The following CACNA2D3 variants were observed in gnomAD, a reference collection of about 807,000 sequenced individuals.
CACNA2D3 encodes calcium voltage-gated channel auxiliary subunit alpha2delta 3, also known as voltage-dependent calcium channel subunit alpha-2/delta-3.
A neutral mutation model predicts 160.6 loss-of-function variants in CACNA2D3; 60 were observed. The observed-to-expected ratio is 0.37, with a 90% CI of 0.30 to 0.46. The LOEUF (loss-of-function observed/expected upper bound fraction) is 0.46. CACNA2D3 is among the 20% of genes least tolerant of loss of function. The pLI is 1.00. For synonymous variants in CACNA2D3, 558 were observed against 492.9 expected, an observed-to-expected ratio of 1.13 and a Z score of -1.75; for missense variants, 1,205 against 1,365.0, an observed-to-expected ratio of 0.88 and a Z score of 1.85.
chr3:54,358,944 C>T (rs919022676), intron 3 of CACNA2D3, among the ~76,000 whole-genome samples: 5 of 152,190 alleles, frequency 3.3e-5, no homozygotes, highest in Non-Finnish European at 7.3e-5. Context: ...ATAAACACTT[C>T]CCATGTCCTT....
chr3:54,545,681 G>T (rs1172083733), intron 5 of CACNA2D3, among the ~76,000 whole-genome samples: 1 of 152,120 alleles, frequency 6.6e-6, no homozygotes, highest in Non-Finnish European at 1.5e-5. Flanking sequence ...TGCTTCACTT[G>T]GGGAATGATC....
chr3:54,931,738 G>A (rs1390559145), intron 27 of CACNA2D3, among the ~76,000 whole-genome samples: 2 of 152,122 alleles, frequency 1.3e-5, no homozygotes, highest in Admixed American at 6.5e-5. Context: ...CCCTTTTTAA[G>A]CCAGAATGTT....
intron 2 of CACNA2D3, among the ~76,000 whole-genome samples, chr3:54,306,981 C>T (rs962257418): frequency 2.0e-5 from 3 of 152,022 alleles, no homozygotes; most frequent in Non-Finnish European, 2.9e-5. Flanking sequence ...CCCGCCCTGC[C>T]GACACAAAGA....
intron 13 of CACNA2D3, among the ~76,000 whole-genome samples, chr3:54,816,519 C>T (rs1471643122): frequency 6.6e-6 from 1 of 152,160 alleles, no homozygotes; most frequent in Non-Finnish European, 1.5e-5. Context: ...GAAGAAGGAA[C>T]TGGGTCATGG....
At chr3:54,289,923 A>G (rs1380631469) in intron 2 of CACNA2D3, among the ~76,000 whole-genome samples, 1 of 152,250 alleles carries the variant, frequency 6.6e-6, no homozygotes, top group Non-Finnish European at 1.5e-5. Flanking sequence ...TGGATTAAAG[A>G]TTTACATGTT....
intron 3 of CACNA2D3, among the ~76,000 whole-genome samples, chr3:54,378,467 C>A (rs1264353490): frequency 6.6e-6 from 1 of 152,136 alleles, no homozygotes; most frequent in Non-Finnish European, 1.5e-5. Flanking sequence ...AGTACTGGTC[C>A]ATGCTGGGGG....
chr3:54,988,818 AAAAAG>A, intron 31 of CACNA2D3, among the ~76,000 whole-genome samples: 1 of 152,340 alleles, frequency 6.6e-6, no homozygotes, highest in Non-Finnish European at 1.5e-5. Context: ...GGAAGAAAAA[AAAAAG>A]AAATGATATA....
intron 30 of CACNA2D3, among the ~76,000 whole-genome samples, chr3:54,985,569 A>G: frequency 6.6e-6 from 1 of 152,244 alleles, no homozygotes; most frequent in East Asian, 1.9e-4. Context: ...AGACCTCTAG[A>G]TAGGCTCTGT....
intron 11 of CACNA2D3, among the ~76,000 whole-genome samples, chr3:54,702,869 A>G (rs993222166): frequency 1.3e-5 from 2 of 152,230 alleles, no homozygotes; most frequent in Admixed American, 6.5e-5. Flanking sequence ...AAAATGTGGT[A>G]CATACACATC....
chr3:55,021,092 T>C (rs185268234), intron 35 of CACNA2D3, among the ~76,000 whole-genome samples: 1 of 152,160 alleles, frequency 6.6e-6, no homozygotes, highest in Non-Finnish European at 1.5e-5. Context: ...GAAGGCTTTG[T>C]AAAACTTATA....
chr3:54,790,373 C>T (rs769626986), intron 13 of CACNA2D3, among the ~76,000 whole-genome samples: 11 of 152,170 alleles, frequency 7.2e-5, no homozygotes, highest in Non-Finnish European at 1.3e-4. Flanking sequence ...CAGTCTAACA[C>T]GTACATACTG....
At chr3:54,288,843 G>T (rs1041031322) in intron 2 of CACNA2D3, among the ~76,000 whole-genome samples, 1 of 152,172 alleles carries the variant, frequency 6.6e-6, no homozygotes, top group Non-Finnish European at 1.5e-5. Flanking sequence ...CTCAATAGAT[G>T]CAGAAAAGGC....
rs534906318 is a variant in CACNA2D3 at position 54,288,608 on chromosome 3, A to G, written c.205-31834A>G. On this transcript the variant is annotated intron_variant, in intron 2 of 37. Transcript: ENST00000474759. ...TCATCCTGATACCAAAGCCGGGCAGAGACACAACCAAAAAAGAGAATTTTA... is the reference window on the plus strand; with the variant it reads ...TCATCCTGATACCAAAGCCGGGCAGGGACACAACCAAAAAAGAGAATTTTA... Among the ~76,000 whole-genome samples the G allele has an allele frequency of 3.3e-5, 5 of 152,290 alleles. No homozygotes were observed. The South Asian group carries it at 8.3e-4, about 25-fold the overall frequency.
At chr3:54,525,061 A>T (rs567264496) in intron 5 of CACNA2D3, among the ~76,000 whole-genome samples, 1 of 152,136 alleles carries the variant, frequency 6.6e-6, no homozygotes, top group Non-Finnish European at 1.5e-5. Flanking sequence ...TAGTATACTA[A>T]AGAAAGATGT....
chr3:54,528,227 ACTT>A (rs753678801), intron 5 of CACNA2D3, among the ~76,000 whole-genome samples: 1 of 151,772 alleles, frequency 6.6e-6, no homozygotes, highest in East Asian at 1.9e-4. Context: ...CAGCCCTGAT[ACTT>A]AACAGTTTGC....
At chr3:54,841,843 C>A (rs1353150379) in intron 16 of CACNA2D3, among the ~76,000 whole-genome samples, 1 of 152,186 alleles carries the variant, frequency 6.6e-6, no homozygotes, top group East Asian at 1.9e-4. Flanking sequence ...GAAGTGCCTC[C>A]TTTCCCCAGG....
intron 12 of CACNA2D3, among the ~76,000 whole-genome samples, chr3:54,763,132 A>G (rs937674934): frequency 2.0e-5 from 3 of 152,038 alleles, no homozygotes; most frequent in African/African-American, 7.2e-5. Flanking sequence ...TCTACCCAAC[A>G]TATTTAAAAG....
rs1299947588 is a variant in CACNA2D3, at chr3:54,809,393, A to C, written c.1381-7460A>C. On this transcript the variant is annotated intron_variant, in intron 13 of 37. Coordinates refer to ENST00000474759, the MANE Select transcript of CACNA2D3 (RefSeq NM_018398.3). ...GACTGCAGTGGCGCAATCTCGGCTC[A>C]CTGCAAGCTCCGCTTCCCGGGTTCA... 4.8e-4 allele frequency among the ~76,000 whole-genome samples: 60 copies of C among 123,928 alleles called. 1 individual carries two copies. Among genetic ancestry groups the C allele is most frequent in the Non-Finnish European group, 7.1e-4 (46 of 64,570 alleles). 81.3% of individuals were successfully genotyped at this position (123,928 alleles called of 152,430 possible).
chr3:54,691,111 G>A (rs114405664), intron 11 of CACNA2D3, among the ~76,000 whole-genome samples: 8 of 152,164 alleles, frequency 5.3e-5, no homozygotes, highest in Admixed American at 5.2e-4. Flanking sequence ...GGCTTTGTCA[G>A]TTCTTAGGAG....
Sources: gnomAD v4.1 joint callset for allele counts (sites outside exome capture counted in the v4.1 genomes callset) on GRCh38, gnomAD v4.1.1 for gene constraint, MANE v1.5 for transcripts, NCBI Gene and HGNC (gene_info 2026-07-23, HGNC 2026-07-21) for gene names.